Variants in TOM1 observed in about 807,000 individuals in gnomAD.
The protein encoded by TOM1 is target of myb1 membrane trafficking protein, also known as target of Myb protein 1.
A neutral mutation model predicts 61.3 loss-of-function variants in TOM1; 38 were observed. The ratio of observed to expected loss-of-function variants is 0.62; its 90% CI spans 0.48 to 0.81. TOM1 has a LOEUF of 0.81. Among genes scored for constraint, TOM1 ranks in the 40% least tolerant of loss-of-function variants. The pLI, the probability that TOM1 is intolerant of heterozygous loss-of-function variation, is 0.00. For missense variants in TOM1, 591 were observed against 659.6 expected, an observed-to-expected ratio of 0.90 and a Z score of 1.14; for synonymous variants, 270 against 268.8, an observed-to-expected ratio of 1.00 and a Z score of -0.04.
chr22:35,322,737 A>C, intron 3 of TOM1: 1 of 376,784 alleles, frequency 2.7e-6, no homozygotes, highest in Non-Finnish European at 4.8e-6. Flanking sequence ...TCTCTAGACC[A>C]TGTTTAGCTC....
intron 12 of TOM1, chr22:35,345,178 T>C (rs4386): frequency 0.62 from 98,190 of 159,648 alleles, 31,937 homozygotes; most frequent in African/African-American, 0.83. Context: ...CTTGTCTGGT[T>C]AACTTCGCGC....
rs908815717 is a variant in TOM1 at position 35,323,169 on chromosome 22, C to T, written c.358C>T (p.Leu120Phe). ...CATCGTGCATGACAAAGTGCTCAACCTCATCCAGGTGAGTGCCAGGACAGG... is the reference window on the plus strand; with the variant it reads ...CATCGTGCATGACAAAGTGCTCAACTTCATCCAGGTGAGTGCCAGGACAGG... ...PTIVHDKVLNLIQSWADAFRS... is the reference protein window; with the variant it reads ...PTIVHDKVLNFIQSWADAFRS... The change falls in exon 4 of 15, where the codon CTC becomes TTC. Residue 120 changes from leucine to phenylalanine, a missense_variant. Physicochemically the swap from Leu to Phe is conservative, Grantham distance 22. Transcript: ENST00000449058. This position sits in a 1 kb window ranked among gnomAD's most constrained non-coding sequence, Gnocchi z 4.2. 6 of 1,613,744 alleles carry T rather than the reference C, an allele frequency of 3.7e-6. No individual in the cohort carries two copies. The highest frequency in any genetic ancestry group is 2.2e-5 in the South Asian group (2 of 91,094).
intron 1 of TOM1, among the ~76,000 whole-genome samples, chr22:35,304,989 G>A (rs1224739156): frequency 1.3e-5 from 2 of 152,218 alleles, no homozygotes; most frequent in Non-Finnish European, 2.9e-5. Flanking sequence ...CCCAGAGCCT[G>A]AAGACTGAGC....
chr22:35,315,503 G>A (rs1049895615), intron 1 of TOM1, among the ~76,000 whole-genome samples: 2 of 152,118 alleles, frequency 1.3e-5, no homozygotes, highest in Non-Finnish European at 2.9e-5. Flanking sequence ...CAAGGGCAGG[G>A]GTGTGGTACA....
At chr22:35,331,597 A>C (rs1012114486) in intron 8 of TOM1, 1 of 246,990 alleles carries the variant, frequency 4.0e-6, no homozygotes, top group Non-Finnish European at 8.2e-6. Context: ...CAAAAGAAGG[A>C]GAAGGGCTGG....
upstream of TOM1, chr22:35,299,816 C>A (rs1160414223): frequency 7.8e-7 from 1 of 1,276,846 alleles, no homozygotes; most frequent in Non-Finnish European, 1.1e-6. Flanking sequence ...CGCGGTGCCA[C>A]CGCCCCGCCC....
chr22:35,322,031 T>A lies in TOM1; in HGVS notation c.210T>A (p.Ala70=). 1 of 1,613,888 alleles carries A rather than the reference T, an allele frequency of 6.2e-7. No homozygotes were observed. Among genetic ancestry groups the A allele is most frequent in the Non-Finnish European group, 8.5e-7 (1 of 1,179,788 alleles). ...AGAACTTCCACGAGGTGATGCTGGC[T>A]CTCACAGTGAGTGCCCCATCTGTCT... ...GNKNFHEVML[A]LTVLETCVKN... Residue 70 remains alanine (A), a synonymous_variant, in exon 3 of 15, where the codon GCT becomes GCA. Coordinates refer to ENST00000449058, the MANE Select transcript of TOM1 (RefSeq NM_005488.3).
At position 35,339,903 on chromosome 22, in the gene TOM1, CAA is replaced by C. The variant is rs35896033; in HGVS notation, c.1224+1128_1224+1129del. ...TGGGCGACAGAGCGAGACTCCGTCT[CAA>C]AAAAAAAAAAAAGAGCGGACCCTAA... On this transcript the variant is annotated intron_variant, in intron 12 of 14. Coordinates refer to ENST00000449058, the MANE Select transcript of TOM1 (RefSeq NM_005488.3). Among the ~76,000 whole-genome samples the C allele has an allele frequency of 2.2e-3, 305 of 138,470 alleles. 1 individual carries two copies. In the Middle Eastern group the frequency reaches 0.025, roughly 11 times the overall value. 90.8% of individuals were successfully genotyped at this position (138,470 alleles called of 152,430 possible).
In TOM1 at chr22:35,316,016, G is replaced by A. The variant is rs549009743; in HGVS notation, c.53-1861G>A. Among the ~76,000 whole-genome samples, 7 of 152,384 alleles carry A rather than the reference G, an allele frequency of 4.6e-5. No individual in the cohort carries two copies. In the East Asian group the frequency reaches 9.6e-4, roughly 21 times the overall value. On this transcript the variant is annotated intron_variant, in intron 1 of 14. Transcript: ENST00000449058. ...GAGAGAGCCTCCCTTGCAGGACAGC[G>A]TGACATCACGTGGAATAACAAGTTC...
At chr22:35,334,472 G>A (rs1434256225) in intron 11 of TOM1, 24 bp downstream of exon 11, 2 of 1,613,114 alleles carry the variant, frequency 1.2e-6, no homozygotes, top group Admixed American at 1.7e-5. Context: ...CCCTGCCCTG[G>A]TCCCCTGCAG....
chr22:35,332,846 C>T, intron 8 of TOM1, 135 bp from the exon 9 acceptor site: 3 of 877,298 alleles, frequency 3.4e-6, no homozygotes, highest in Non-Finnish European at 3.9e-6. Flanking sequence ...GTCCAGGGCA[C>T]ACCAGACGTG....
chr22:35,317,676 G>C (rs1180472389), intron 1 of TOM1, among the ~76,000 whole-genome samples: 1 of 152,090 alleles, frequency 6.6e-6, no homozygotes, highest in Non-Finnish European at 1.5e-5. Flanking sequence ...TCCGGCCTCA[G>C]TGGCTACAAG....
rs1928037065 is a variant in TOM1 at position 35,323,561 on chromosome 22, G to A, written c.432G>A (p.Leu144=). The A allele has an allele frequency of 6.2e-7, 1 of 1,614,164 alleles. No individual in the cohort carries two copies. Among genetic ancestry groups the A allele is most frequent in the Non-Finnish European group, 8.5e-7 (1 of 1,180,036 alleles). The part of the protein sequence containing the change: ...LTGVVTIYED[L]RRKGLEFPMT... Reference sequence around the variant, plus strand: ...GTGTGGTCACCATCTATGAGGACCTGCGGAGGAAAGGCCTGGAGTTCCCCA... The same window carrying A: ...GTGTGGTCACCATCTATGAGGACCTACGGAGGAAAGGCCTGGAGTTCCCCA... Residue 144 remains leucine, a synonymous_variant, in exon 5 of 15, where the codon CTG becomes CTA. Coordinates refer to ENST00000449058, the MANE Select transcript of TOM1 (RefSeq NM_005488.3). The surrounding 1 kb of genome is among the most constrained non-coding windows in gnomAD (Gnocchi z 4.2).
intron 6 of TOM1, among the ~76,000 whole-genome samples, chr22:35,326,838 A>G (rs555355800): frequency 2.7e-5 from 4 of 150,452 alleles, no homozygotes; most frequent in Non-Finnish European, 4.4e-5. Context: ...CCAGTCTTCT[A>G]GGAGAGAGGG....
intron 7 of TOM1, among the ~76,000 whole-genome samples, 190 bp from the exon 8 acceptor site, chr22:35,330,157 G>A (rs1162904022): frequency 2.6e-5 from 4 of 152,216 alleles, no homozygotes; most frequent in African/African-American, 2.4e-5. Flanking sequence ...GGTGGCAGAC[G>A]CCTGTAGTCC....
rs1021844479 is a variant in TOM1, at chr22:35,323,386, A to T, written c.367-110A>T. Reference sequence around the variant, plus strand: ...TGGAGTGGGCAGGGCAGATGTAGTTAAAAAAAAAAAAAAAGCAGGGAAAGA... The same window carrying T: ...TGGAGTGGGCAGGGCAGATGTAGTTTAAAAAAAAAAAAAAGCAGGGAAAGA... On this transcript the variant is annotated intron_variant, in intron 4 of 14. Coordinates refer to ENST00000449058, the MANE Select transcript of TOM1 (RefSeq NM_005488.3). This position sits in a 1 kb window ranked among gnomAD's most constrained non-coding sequence, Gnocchi z 4.2. 28 of 158,408 alleles carry T rather than the reference A, an allele frequency of 1.8e-4. No individual in the cohort carries two copies. Among genetic ancestry groups the T allele is most frequent in the Middle Eastern group, 2.2e-3 (1 of 460 alleles). The allele number at this position is 158,408 out of a possible 1,614,324, so 9.8% of individuals were successfully genotyped here.
intron 1 of TOM1, among the ~76,000 whole-genome samples, chr22:35,316,675 T>C (rs1194485927): frequency 6.6e-6 from 1 of 152,178 alleles, no homozygotes; most frequent in Non-Finnish European, 1.5e-5. Context: ...GAAAATTTCG[T>C]GGAACTGAAT....
chr22:35,322,881 C>T, intron 3 of TOM1, 147 bp from the exon 4 acceptor site: 1 of 952,722 alleles, frequency 1.0e-6, no homozygotes, highest in Non-Finnish European at 1.5e-6. Flanking sequence ...TGTCCCAGTC[C>T]TCCACATTCA....
At chr22:35,333,253 G>A (rs2145690879) in intron 9 of TOM1, 151 bp from the exon 10 acceptor site, 1 of 826,696 alleles carries the variant, frequency 1.2e-6, no homozygotes, top group Non-Finnish European at 1.9e-6. Context: ...TGGAGCCAGA[G>A]GGGAGGAAGG....
Sources: gnomAD v4.1 joint callset for allele counts (sites outside exome capture counted in the v4.1 genomes callset) on GRCh38, gnomAD v4.1.1 for gene constraint, Gnocchi (gnomAD v3.1) non-coding constraint, MANE v1.5 for transcripts, NCBI Gene and HGNC (gene_info 2026-07-23, HGNC 2026-07-21) for gene names.